SLC10A6: variants seen among roughly 807,000 people sequenced by gnomAD.
SLC10A6 encodes the protein sodium-dependent organic anion transporter.
A neutral mutation model predicts 30.0 loss-of-function variants in SLC10A6; 27 were observed. That is an observed-to-expected ratio of 0.90 (90% CI 0.66 to 1.24). The LOEUF is 1.24. Ranked by LOEUF, SLC10A6 falls within the 50% of genes most tolerant of loss-of-function variation. The pLI, the probability that SLC10A6 is intolerant of heterozygous loss-of-function variation, is 0.00. For synonymous variants in SLC10A6, 166 were observed against 173.8 expected (o/e 0.95, Z 0.36); for missense variants, 439 against 457.0 (o/e 0.96, Z 0.36).
intron 5 of SLC10A6, among the ~76,000 whole-genome samples, chr4:86,824,936 T>A (rs1745954026): frequency 6.6e-6 from 1 of 152,254 alleles, no homozygotes; most frequent in Admixed American, 6.5e-5. Flanking sequence ...CACATATATA[T>A]TTCAATATTT....
In SLC10A6 at chr4:86,842,874, C is replaced by T. The variant is rs185332993; in HGVS notation, c.377+5865G>A. ...TCTTTCTTTCTTTCTTTCTTTCTTT[C>T]TTTTTTTTTTTGAGATGGAGTCTCG... On this transcript the variant is annotated intron_variant, in intron 1 of 5. Coordinates refer to ENST00000273905, the MANE Select transcript of SLC10A6 (RefSeq NM_197965.3). Among the ~76,000 whole-genome samples, 206 of 42,720 alleles carry T rather than the reference C, an allele frequency of 4.8e-3. 5 individuals are homozygous for T. The highest frequency in any genetic ancestry group is 5.9e-3 in the Non-Finnish European group (145 of 24,702). The allele number at this position is 42,720 out of a possible 152,430, so 28.0% of individuals were successfully genotyped here. A position where few individuals can be genotyped will look rare whatever the true frequency, so the allele number is the denominator to read the frequency against.
rs1326208959 is a variant in SLC10A6 at position 86,849,332 on chromosome 4, G to A, written c.-217C>T. The A allele has an allele frequency of 7.0e-6, 4 of 570,878 alleles. No homozygotes were observed. The highest frequency in any genetic ancestry group is 5.6e-5 in the African/African-American group (3 of 53,254). The allele number at this position is 570,878 out of a possible 1,614,324, so 35.4% of individuals were successfully genotyped here. A position where few individuals can be genotyped will look rare whatever the true frequency, so the allele number is the denominator to read the frequency against. ...ACAGGCATGAAACATATAATAAACTGTGGTAAGTAAGGCTTTCCACTTCTG... is the reference window on the plus strand; with the variant it reads ...ACAGGCATGAAACATATAATAAACTATGGTAAGTAAGGCTTTCCACTTCTG... On this transcript the variant is annotated 5_prime_UTR_variant, in exon 1 of 6. Coordinates refer to ENST00000273905, the MANE Select transcript of SLC10A6 (RefSeq NM_197965.3).
intron 1 of SLC10A6, among the ~76,000 whole-genome samples, chr4:86,837,220 AG>A: frequency 8.5e-6 from 1 of 117,746 alleles, no homozygotes; most frequent in Non-Finnish European, 1.6e-5. Flanking sequence ...AGAGAGAGAG[AG>A]AGAGAGAAAG....
chr4:86,824,718 C>T (rs1745949291), intron 5 of SLC10A6, among the ~76,000 whole-genome samples: 1 of 152,022 alleles, frequency 6.6e-6, no homozygotes, highest in African/African-American at 2.4e-5. Flanking sequence ...TTTCAACCTT[C>T]GCCCCCTCCC....
intron 1 of SLC10A6, among the ~76,000 whole-genome samples, chr4:86,835,783 A>C (rs936184572): frequency 4.6e-5 from 7 of 152,256 alleles, no homozygotes; most frequent in South Asian, 2.1e-4. Context: ...AAGAAAAGGA[A>C]GGGACTGAGA....
Position 86,823,595 on chromosome 4 carries a change from A to T in SLC10A6, c.*93T>A. ...TAACATTGAACACTTAAATATTCACACTGGCCCTACCAACAAGATTCATGT... is the reference window on the plus strand; with the variant it reads ...TAACATTGAACACTTAAATATTCACTCTGGCCCTACCAACAAGATTCATGT... On this transcript the variant is annotated 3_prime_UTR_variant, in exon 6 of 6. Transcript: ENST00000273905. 1.0e-6 allele frequency: 1 copy of T among 957,314 alleles called. No individual in the cohort carries two copies. Among genetic ancestry groups the T allele is most frequent in the East Asian group, 2.6e-5 (1 of 38,780 alleles). The allele number at this position is 957,314 out of a possible 1,614,324, so 59.3% of individuals were successfully genotyped here. A position where few individuals can be genotyped will look rare whatever the true frequency, so the allele number is the denominator to read the frequency against.
In SLC10A6 at chr4:86,825,641, C is replaced by T. The variant is rs577940972; in HGVS notation, c.762-64G>A. On this transcript the variant is annotated intron_variant, in intron 4 of 5. Coordinates refer to ENST00000273905, the MANE Select transcript of SLC10A6 (RefSeq NM_197965.3). ...AATAAGAACTATTCTAATATTTTCT[C>T]ATATGCATCATAACAATTAGAAGCT... is the stretch of plus-strand genomic sequence containing the variant. 165 of 1,446,380 alleles carry T rather than the reference C, an allele frequency of 1.1e-4. No individual in the cohort carries two copies. The South Asian group carries it at 2.4e-3, about 21-fold the overall frequency. The allele number at this position is 1,446,380 out of a possible 1,614,324, so 89.6% of individuals were successfully genotyped here. A position where few individuals can be genotyped will look rare whatever the true frequency, so the allele number is the denominator to read the frequency against.
intron 4 of SLC10A6, 132 bp from the exon 5 acceptor site, chr4:86,825,709 T>C: frequency 1.0e-6 from 1 of 983,032 alleles, no homozygotes; most frequent in Non-Finnish European, 1.4e-6. Context: ...TCCATAGTTA[T>C]TTGCTGAGTG....
chr4:86,836,265 C>T (rs1376073889), intron 1 of SLC10A6, among the ~76,000 whole-genome samples: 1 of 152,264 alleles, frequency 6.6e-6, no homozygotes, highest in South Asian at 2.1e-4. Context: ...CTTTTAAGTA[C>T]ATAATGTCTG....
chr4:86,837,343 A>AAGGAAGGAAGGAAGGAAGGAAGGCAGGC lies in SLC10A6; in HGVS notation c.378-3920_378-3919insGCCTGCCTTCCTTCCTTCCTTCCTTCCT, dbSNP rs58692864. 8.8e-4 allele frequency among the ~76,000 whole-genome samples: 91 copies of AAGGAAGGAAGGAAGGAAGGAAGGCAGGC among 102,988 alleles called. 6 individuals carry two copies. The highest frequency in any genetic ancestry group is 1.4e-3 in the Non-Finnish European group (70 of 49,702). 67.6% of individuals were successfully genotyped at this position (102,988 alleles called of 152,430 possible). A position where few individuals can be genotyped will look rare whatever the true frequency, so the allele number is the denominator to read the frequency against. ...GAAGGAAGGAAGGAAGGAAGGAAGG[A>AAGGAAGGAAGGAAGGAAGGAAGGCAGGC]AGGCAGGCAGGCAGGCTGGGATTTG... On this transcript the variant is annotated intron_variant, in intron 1 of 5. Transcript: ENST00000273905.
chr4:86,839,548 C>T (rs781705928), intron 1 of SLC10A6, among the ~76,000 whole-genome samples: 3 of 152,170 alleles, frequency 2.0e-5, no homozygotes, highest in Non-Finnish European at 2.9e-5. Flanking sequence ...CAGACCAATA[C>T]ATTTAAACTT....
In SLC10A6 at chr4:86,841,227, G is replaced by A. The variant is rs536981502; in HGVS notation, c.377+7512C>T. Among the ~76,000 whole-genome samples the A allele has an allele frequency of 3.3e-5, 5 of 152,242 alleles. No individual in the cohort carries two copies. In the South Asian group the frequency reaches 6.2e-4, roughly 19 times the overall value. ...GGGAAGCAAAGTGAGATTTATATCCGACTGATTCTATATCCTTGATTACCT... is the reference window on the plus strand; with the variant it reads ...GGGAAGCAAAGTGAGATTTATATCCAACTGATTCTATATCCTTGATTACCT... On this transcript the variant is annotated intron_variant, in intron 1 of 5. Transcript: ENST00000273905.
intron 1 of SLC10A6, 74 bp downstream of exon 1, chr4:86,848,665 T>C: frequency 1.4e-6 from 2 of 1,475,790 alleles, no homozygotes; most frequent in Non-Finnish European, 1.8e-6. Flanking sequence ...GAAGAGTGTT[T>C]AACACAAGAG....
intron 3 of SLC10A6, among the ~76,000 whole-genome samples, chr4:86,831,224 G>A (rs1404595486): frequency 6.6e-6 from 1 of 152,198 alleles, no homozygotes; most frequent in African/African-American, 2.4e-5. Context: ...GACAAGAGGA[G>A]GTAGAAAGTT....
At chr4:86,830,443 T>C (rs894992564) in intron 3 of SLC10A6, among the ~76,000 whole-genome samples, 3 of 152,210 alleles carry the variant, frequency 2.0e-5, no homozygotes, top group African/African-American at 7.2e-5. Context: ...AAGATGGGAC[T>C]TTATTCCATG....
chr4:86,840,059 G>A (rs1218383488), intron 1 of SLC10A6, among the ~76,000 whole-genome samples: 1 of 151,256 alleles, frequency 6.6e-6, no homozygotes, highest in East Asian at 1.9e-4. Context: ...ACAGGTACCC[G>A]CCACCACACC....
At chr4:86,827,088 C>A (rs1043088104) in intron 4 of SLC10A6, among the ~76,000 whole-genome samples, 1 of 152,174 alleles carries the variant, frequency 6.6e-6, no homozygotes, top group Non-Finnish European at 1.5e-5. Context: ...GGAACTCACA[C>A]CTGCACCATT....
At chr4:86,841,137 C>G (rs1746282234) in intron 1 of SLC10A6, among the ~76,000 whole-genome samples, 1 of 152,156 alleles carries the variant, frequency 6.6e-6, no homozygotes, top group South Asian at 2.1e-4. Flanking sequence ...TCTGGAGAAC[C>G]AGCACAACAT....
intron 1 of SLC10A6, among the ~76,000 whole-genome samples, chr4:86,842,020 TTC>T (rs1273027447): frequency 2.0e-5 from 3 of 152,226 alleles, no homozygotes; most frequent in African/African-American, 7.2e-5. Context: ...ATTTTCTCTT[TTC>T]ATCTACATAA....
Sources: allele counts gnomAD v4.1 joint callset (sites outside exome capture counted in the v4.1 genomes callset), GRCh38; gene constraint gnomAD v4.1.1; transcripts MANE v1.5; gene names NCBI Gene and HGNC (gene_info 2026-07-23, HGNC 2026-07-21).